PRKAR2B: variants seen among roughly 807,000 people sequenced by gnomAD.
PRKAR2B encodes cAMP-dependent protein kinase type II-beta regulatory subunit.
In PRKAR2B, 14 loss-of-function variants were observed where a neutral mutation model predicts 49.9. The ratio of observed to expected loss-of-function variants is 0.28; its 90% confidence interval spans 0.19 to 0.44. PRKAR2B has a LOEUF of 0.44. PRKAR2B is among the 20% of genes least tolerant of loss of function. PRKAR2B has a pLI of 1.00. For synonymous variants in PRKAR2B, 196 were observed against 197.7 expected (o/e 0.99, Z 0.07); for missense variants, 393 against 537.9 (o/e 0.73, Z 2.67).
At chr7:107,128,344 A>G (rs763837801) in intron 4 of PRKAR2B, 49 bp downstream of exon 4, 1 of 1,405,134 alleles carries the variant, frequency 7.1e-7, no homozygotes, top group Non-Finnish European at 1.0e-6. Flanking sequence ...TCCCCCAGTG[A>G]CAGTGTCAAG....
chr7:107,079,143 T>C (rs1794465403), intron 2 of PRKAR2B, among the ~76,000 whole-genome samples: 1 of 152,228 alleles, frequency 6.6e-6, no homozygotes, highest in African/African-American at 2.4e-5. Context: ...GTGCAACCAT[T>C]CTTTAATTAC....
chr7:107,051,791 A>C (rs1252299870), intron 1 of PRKAR2B, among the ~76,000 whole-genome samples: 1 of 152,214 alleles, frequency 6.6e-6, no homozygotes, highest in Admixed American at 6.5e-5. Flanking sequence ...AATGTTTCTT[A>C]ATTAAAAAAA....
intron 6 of PRKAR2B, among the ~76,000 whole-genome samples, chr7:107,148,128 C>G (rs780757629): frequency 6.6e-6 from 1 of 152,180 alleles, no homozygotes; most frequent in East Asian, 1.9e-4. Context: ...AAAGAAAAAA[C>G]TTCAAACCAG....
At position 107,159,604 on chromosome 7, in the gene PRKAR2B, C is replaced by CT; in HGVS notation, c.*23dup. 1 of 1,612,470 alleles carries CT rather than the reference C, an allele frequency of 6.2e-7. No homozygotes were observed. The highest frequency in any genetic ancestry group is 8.5e-7 in the Non-Finnish European group (1 of 1,178,790). The stretch of plus-strand genomic sequence containing the variant: ...ATGAAGCAAAAGTATGGAGCAAGAC[C>CT]TGTAGTGACAAAATTACACAGTAGT... On this transcript the variant is annotated 3_prime_UTR_variant, in exon 11 of 11. Transcript: ENST00000265717.
intron 1 of PRKAR2B, among the ~76,000 whole-genome samples, chr7:107,045,664 G>C (rs1296195322): frequency 1.3e-5 from 2 of 152,212 alleles, no homozygotes; most frequent in Admixed American, 1.3e-4. Context: ...TGTTTAATAT[G>C]ATTGGCTTTA....
chr7:107,063,760 AAG>A (rs1246799746), intron 1 of PRKAR2B, among the ~76,000 whole-genome samples: 2 of 152,144 alleles, frequency 1.3e-5, no homozygotes, highest in African/African-American at 2.4e-5. Flanking sequence ...CTTCATTTCA[AAG>A]TCTCCCTCCT....
chr7:107,057,618 G>A (rs1418990778), intron 1 of PRKAR2B, among the ~76,000 whole-genome samples: 1 of 151,890 alleles, frequency 6.6e-6, no homozygotes, highest in Non-Finnish European at 1.5e-5. Flanking sequence ...ATAACTTTTG[G>A]GAACTTGAAT....
At chr7:107,099,198 A>G (rs1794907417) in intron 2 of PRKAR2B, among the ~76,000 whole-genome samples, 1 of 151,984 alleles carries the variant, frequency 6.6e-6, no homozygotes. Context: ...TTGTTTACCT[A>G]CTCAAGCCTC....
At chr7:107,068,407 C>T (rs564827517) in intron 1 of PRKAR2B, 1 of 152,098 alleles carries the variant, frequency 6.6e-6, no homozygotes, top group Non-Finnish European at 1.5e-5. Context: ...CATTTTGTTT[C>T]CATTCACTGT....
intron 2 of PRKAR2B, among the ~76,000 whole-genome samples, chr7:107,121,035 A>C (rs1046669723): frequency 6.6e-6 from 1 of 150,876 alleles, no homozygotes; most frequent in Non-Finnish European, 1.5e-5. Flanking sequence ...ATTTTTTAAA[A>C]AATTTTAAAT....
In PRKAR2B at chr7:107,075,029, C is replaced by G. The variant is rs186102998; in HGVS notation, c.343+4713C>G. Among the ~76,000 whole-genome samples, 356 of 151,488 alleles carry G rather than the reference C, an allele frequency of 2.4e-3. 2 individuals are homozygous for G. The highest frequency in any genetic ancestry group is 8.2e-3 in the African/African-American group (339 of 41,284). The stretch of plus-strand genomic sequence containing the variant: ...CTTTGAGTTTAATTTTATTTATTTT[C>G]TTTTCTTTCAGCTTGGGATCTTAAT... On this transcript the variant is annotated intron_variant, in intron 2 of 10. Transcript: ENST00000265717.
chr7:107,059,013 C>T (rs748244278), intron 1 of PRKAR2B, among the ~76,000 whole-genome samples: 3 of 152,090 alleles, frequency 2.0e-5, no homozygotes, highest in East Asian at 1.9e-4. Flanking sequence ...TGGCCACGCA[C>T]GGTGGCTCAC....
At chr7:107,097,954 A>G (rs1192191265) in intron 2 of PRKAR2B, among the ~76,000 whole-genome samples, 2 of 151,900 alleles carry the variant, frequency 1.3e-5, no homozygotes, top group African/African-American at 2.4e-5. Flanking sequence ...TTTTTCCTTC[A>G]TTTCAACTTT....
chr7:107,139,800 T>G (rs534771683), intron 4 of PRKAR2B, among the ~76,000 whole-genome samples: 7 of 152,376 alleles, frequency 4.6e-5, no homozygotes, highest in African/African-American at 1.7e-4. Flanking sequence ...TGATCTGTTA[T>G]CCTCTTTATT....
At chr7:107,145,733 A>ATTTTTTT (rs916332834) in intron 5 of PRKAR2B, among the ~76,000 whole-genome samples, 18 of 93,404 alleles carry the variant, frequency 1.9e-4, no homozygotes, top group African/African-American at 5.6e-4. Context: ...TCTTCAGATG[A>ATTTTTTT]TTTTTTTTTT....
At chr7:107,105,255 A>G (rs1175667458) in intron 2 of PRKAR2B, among the ~76,000 whole-genome samples, 1 of 152,162 alleles carries the variant, frequency 6.6e-6, no homozygotes, top group Non-Finnish European at 1.5e-5. Context: ...CTTTACCTGT[A>G]TGAAGGCAAG....
chr7:107,100,526 T>G (rs1041581197), intron 2 of PRKAR2B, among the ~76,000 whole-genome samples: 4 of 152,268 alleles, frequency 2.6e-5, no homozygotes, highest in African/African-American at 7.2e-5. Context: ...AGAATCTACA[T>G]AAATGTTTTT....
At chr7:107,118,646 G>A (rs1488954661) in intron 2 of PRKAR2B, among the ~76,000 whole-genome samples, 5 of 152,130 alleles carry the variant, frequency 3.3e-5, no homozygotes, top group African/African-American at 9.7e-5. Context: ...ACTGTATTGC[G>A]AGAGTGCAAA....
At chr7:107,058,898 TA>T (rs1435257731) in intron 1 of PRKAR2B, among the ~76,000 whole-genome samples, 2 of 152,234 alleles carry the variant, frequency 1.3e-5, no homozygotes, top group African/African-American at 4.8e-5. Flanking sequence ...GTATTTTCAA[TA>T]TAGAGAAAGA....
Sources: allele counts gnomAD v4.1 joint callset (sites outside exome capture counted in the v4.1 genomes callset), GRCh38; gene constraint gnomAD v4.1.1; transcripts MANE v1.5; gene names NCBI Gene and HGNC (gene_info 2026-07-23, HGNC 2026-07-21).